The following SYBU variants were observed in gnomAD, a reference collection of about 807,000 sequenced individuals.
SYBU encodes GOLSYN A protein.
A neutral mutation model predicts 35.9 loss-of-function variants in SYBU; 21 were observed. The ratio of observed to expected loss-of-function variants is 0.58; its 90% CI spans 0.41 to 0.84. The LOEUF is 0.84. SYBU is among the 40% of genes least tolerant of loss of function. The pLI, the probability that SYBU is intolerant of heterozygous loss-of-function variation, is 0.00. For missense variants in SYBU, 768 were observed against 848.2 expected (o/e 0.91, Z 1.17); for synonymous variants, 319 against 324.3 (o/e 0.98, Z 0.18).
At chr8:109,665,324 T>C (rs1244791217) in intron 1 of SYBU, among the ~76,000 whole-genome samples, 1 of 152,206 alleles carries the variant, frequency 6.6e-6, no homozygotes, top group African/African-American at 2.4e-5. Flanking sequence ...TAGCCATAAT[T>C]CAAGTGCTTG....
At chr8:109,689,982 G>A (rs763770671) in intron 1 of SYBU, among the ~76,000 whole-genome samples, 40 of 151,812 alleles carry the variant, frequency 2.6e-4, no homozygotes, top group Non-Finnish European at 5.3e-4. Context: ...TTTTTGTTCA[G>A]TGCATCAGCA....
intron 1 of SYBU, among the ~76,000 whole-genome samples, chr8:109,666,666 T>C (rs1045296331): frequency 5.3e-5 from 8 of 152,042 alleles, no homozygotes; most frequent in African/African-American, 1.9e-4. Flanking sequence ...TGCATGCTAG[T>C]GGTGGGGGTT....
intron 1 of SYBU, among the ~76,000 whole-genome samples, chr8:109,689,859 T>C (rs1457221463): frequency 1.4e-5 from 2 of 143,000 alleles, no homozygotes; most frequent in Non-Finnish European, 3.0e-5. Context: ...AAAAAAACCA[T>C]GACTATTAGA....
chr8:109,596,583 T>G (rs1276758734), intron 3 of SYBU, among the ~76,000 whole-genome samples: 1 of 152,256 alleles, frequency 6.6e-6, no homozygotes, highest in Non-Finnish European at 1.5e-5. Context: ...TTTAACTTTT[T>G]AAAATAAAAC....
intron 3 of SYBU, among the ~76,000 whole-genome samples, chr8:109,588,928 G>A (rs1405061289): frequency 6.6e-6 from 1 of 152,192 alleles, no homozygotes; most frequent in African/African-American, 2.4e-5. Context: ...GGGAGGCCAA[G>A]GTGAGTGGAT....
rs1441753688 is a variant in SYBU, at chr8:109,691,312, G to C, written c.-58+21C>G. 5.7e-6 allele frequency: 4 copies of C among 700,518 alleles called. No homozygotes were observed. In the East Asian group the frequency reaches 1.1e-4, roughly 19 times the overall value. The allele number at this position is 700,518 out of a possible 1,614,324, so 43.4% of individuals were successfully genotyped here. On this transcript the variant is annotated intron_variant, in intron 1 of 7. Coordinates refer to the SYBU transcript ENST00000422135. This position sits in a 1 kb window ranked among gnomAD's most constrained non-coding sequence, Gnocchi z 4.7. ...TCCGCGGGCACTGACAGCAGAGACC[G>C]CATAGGCGCCCCGGTCTTACCCTTT...
intron 3 of SYBU, among the ~76,000 whole-genome samples, chr8:109,616,995 G>A (rs924115513): frequency 6.6e-6 from 1 of 152,206 alleles, no homozygotes; most frequent in Non-Finnish European, 1.5e-5. Context: ...AAGTAGCCGG[G>A]CATGGTGGCG....
At position 109,575,747 on chromosome 8, in the gene SYBU, A is replaced by G; in HGVS notation, c.1151T>C (p.Leu384Pro). The G allele has an allele frequency of 3.1e-6, 5 of 1,614,170 alleles. No individual in the cohort carries two copies. The highest frequency in any genetic ancestry group is 4.2e-6 in the Non-Finnish European group (5 of 1,180,024). ...QSMEMAHSGSLRDELCLDFPC... is the reference protein window; with the variant it reads ...QSMEMAHSGSPRDELCLDFPC... ...AAAGTCTAGGCACAGTTCGTCCCTC[A>G]GAGAGCCACTGTGTGCCATCTCCAT... Residue 384 changes from leucine (L) to proline (P), a missense_variant, in exon 7 of 7, where the codon CTG (leucine) becomes CCG (proline). Physicochemically the swap from Leu to Pro is moderately conservative, Grantham distance 98. Coordinates refer to ENST00000276646, the MANE Select transcript of SYBU (RefSeq NM_001099754.2).
intron 1 of SYBU, among the ~76,000 whole-genome samples, chr8:109,680,505 C>T (rs562632543): frequency 6.6e-6 from 1 of 152,342 alleles, no homozygotes; most frequent in Admixed American, 6.5e-5. Flanking sequence ...AAATTCTTTG[C>T]TATTTAAATG....
upstream of SYBU, among the ~76,000 whole-genome samples, chr8:109,683,431 C>G (rs542320545): frequency 6.6e-6 from 1 of 152,126 alleles, no homozygotes; most frequent in South Asian, 2.1e-4. Flanking sequence ...GACTTGTAAC[C>G]CCTTTGTTTT....
intron 2 of SYBU, among the ~76,000 whole-genome samples, chr8:109,637,462 T>A (rs770320721): frequency 6.6e-6 from 1 of 152,222 alleles, no homozygotes; most frequent in Non-Finnish European, 1.5e-5. Context: ...CCTATATGCC[T>A]TTCGTTTATA....
chr8:109,677,906 G>A (rs1419499379), intron 1 of SYBU, among the ~76,000 whole-genome samples: 2 of 151,930 alleles, frequency 1.3e-5, no homozygotes, highest in Non-Finnish European at 2.9e-5. Context: ...AGGGCGAGGT[G>A]GGTGGATCAC....
In SYBU at chr8:109,579,727, T is replaced by C. The variant is rs1005427004; in HGVS notation, c.734+72A>G. 4 of 1,394,976 alleles carry C rather than the reference T, an allele frequency of 2.9e-6. No individual in the cohort carries two copies. In the African/African-American group the frequency reaches 4.3e-5, roughly 15 times the overall value. 86.4% of individuals were successfully genotyped at this position (1,394,976 alleles called of 1,614,324 possible). A position where few individuals can be genotyped will look rare whatever the true frequency, so the allele number is the denominator to read the frequency against. On this transcript the variant is annotated intron_variant, in intron 5 of 6. Coordinates refer to ENST00000276646, the MANE Select transcript of SYBU (RefSeq NM_001099754.2). ...GGGATCAAGAGTTGTATAACTTTTT[T>C]TTTTCTTTTTTAAAGAAAAGCTTAC...
upstream of SYBU, chr8:109,647,807 G>A (rs1394397886): frequency 6.6e-6 from 1 of 152,246 alleles, no homozygotes; most frequent in East Asian, 1.9e-4. Context: ...CAGGCACTGA[G>A]AGGCTGTGCA....
intron 2 of SYBU, among the ~76,000 whole-genome samples, chr8:109,619,833 G>T (rs1409122113): frequency 6.6e-6 from 1 of 152,190 alleles, no homozygotes; most frequent in Admixed American, 6.5e-5. Context: ...GTTCAAAGAA[G>T]CAGTGTGAAG....
intron 1 of SYBU, among the ~76,000 whole-genome samples, chr8:109,649,832 C>T (rs73321020): frequency 0.011 from 1,732 of 152,240 alleles, 20 homozygotes; most frequent in African/African-American, 0.039. Flanking sequence ...GAAATTAAGA[C>T]GCTCTGGAAA....
chr8:109,615,994 T>TTC (rs1811710109), intron 3 of SYBU, among the ~76,000 whole-genome samples: 5 of 128,862 alleles, frequency 3.9e-5, no homozygotes, highest in African/African-American at 1.3e-4. Flanking sequence ...TTTCTTTTCT[T>TTC]TTCTTTTCTT....
chr8:109,603,937 T>C (rs1825807626), intron 3 of SYBU, among the ~76,000 whole-genome samples: 1 of 152,224 alleles, frequency 6.6e-6, no homozygotes, highest in South Asian at 2.1e-4. Flanking sequence ...TTTTGCTTTA[T>C]TATTATTCTA....
intron 1 of SYBU, among the ~76,000 whole-genome samples, chr8:109,665,730 A>G (rs995247861): frequency 2.6e-5 from 4 of 152,192 alleles, no homozygotes; most frequent in Non-Finnish European, 5.9e-5. Context: ...TACATATTCT[A>G]AGAAACTATT....
Sources: allele counts gnomAD v4.1 joint callset (sites outside exome capture counted in the v4.1 genomes callset), GRCh38; gene constraint gnomAD v4.1.1; non-coding constraint Gnocchi (gnomAD v3.1); transcripts MANE v1.5; gene names NCBI Gene and HGNC (gene_info 2026-07-23, HGNC 2026-07-21).